The following NOL10 variants were observed in gnomAD, a reference collection of about 807,000 sequenced individuals.
NOL10 encodes nucleolar protein 10, also known as H_NH0074G24.1.
In NOL10, 58 loss-of-function variants were observed where a neutral mutation model predicts 103.5. The ratio of observed to expected loss-of-function variants is 0.56; its 90% CI spans 0.45 to 0.70. The LOEUF (loss-of-function observed/expected upper bound fraction) is 0.70, where lower values mean the gene tolerates loss of function less well. Ranked by LOEUF, NOL10 falls within the 30% of genes least tolerant of loss-of-function variation. The pLI, the probability that NOL10 is intolerant of heterozygous loss-of-function variation, is 0.00. For missense variants in NOL10, 763 were observed against 807.3 expected, an observed-to-expected ratio of 0.95 and a Z score of 0.67; for synonymous variants, 287 against 282.5, an observed-to-expected ratio of 1.02 and a Z score of -0.16.
chr2:10,616,699 C>A (rs558290241), intron 13 of NOL10, among the ~76,000 whole-genome samples: 1 of 152,102 alleles, frequency 6.6e-6, no homozygotes, highest in Non-Finnish European at 1.5e-5. Context: ...CAGGTGTGTG[C>A]CACCATGCCC....
intron 13 of NOL10, among the ~76,000 whole-genome samples, chr2:10,633,827 T>A (rs1678011304): frequency 2.0e-5 from 3 of 150,526 alleles, no homozygotes; most frequent in Non-Finnish European, 3.0e-5. Context: ...ATATATATAT[T>A]TATTATTATT....
chr2:10,638,330 G>GTAACGTA (rs1558311284), intron 13 of NOL10, among the ~76,000 whole-genome samples: 58 of 92,822 alleles, frequency 6.2e-4, no homozygotes, highest in South Asian at 2.0e-3. Flanking sequence ...GACGTGACGT[G>GTAACGTA]ACGTAACGTA....
chr2:10,615,062 G>A (rs1462344001), intron 13 of NOL10, among the ~76,000 whole-genome samples: 1 of 152,240 alleles, frequency 6.6e-6, no homozygotes, highest in African/African-American at 2.4e-5. Flanking sequence ...GTGAGCCAGA[G>A]GGAGTGGCCA....
At position 10,668,665 on chromosome 2, in the gene NOL10, C is replaced by CG; in HGVS notation, c.522_523insC (p.Asp175ArgfsTer6). 1 of 1,520,144 alleles carries CG rather than the reference C, an allele frequency of 6.6e-7. No homozygotes were observed. 94.2% of individuals were successfully genotyped at this position (1,520,144 alleles called of 1,614,324 possible). On this transcript the variant is annotated frameshift_variant, in exon 7 of 21. Coordinates refer to ENST00000381685, the MANE Select transcript of NOL10 (RefSeq NM_024894.4). LOFTEE classifies it high-confidence loss of function. ...ATTACTAAAACTACTCACGCAGCAT[C>CG]AGTTTGTAGAGGATTCAGGTATCGT...
chr2:10,605,842 C>T (rs1308347923), intron 14 of NOL10, among the ~76,000 whole-genome samples: 4 of 152,152 alleles, frequency 2.6e-5, no homozygotes, highest in Admixed American at 1.3e-4. Flanking sequence ...TTGGTAGTAA[C>T]TGACAGAAAG....
intron 17 of NOL10, among the ~76,000 whole-genome samples, chr2:10,592,447 C>T (rs1041437238): frequency 2.0e-5 from 3 of 152,056 alleles, no homozygotes; most frequent in Admixed American, 6.6e-5. Flanking sequence ...AGGATTCAGA[C>T]GGACACCACT....
Position 10,666,305 on chromosome 2 carries a change from G to A in NOL10, c.591+913C>T, listed in dbSNP as rs141884560. 6.1e-3 allele frequency among the ~76,000 whole-genome samples: 931 copies of A among 151,866 alleles called. 4 individuals are homozygous for A. The highest frequency in any genetic ancestry group is 8.1e-3 in the Non-Finnish European group (553 of 67,954). ...CATTAATTCCATCCATATGAAACTGGTTTAATAAATTATAGTACAAACAAC... is the reference window on the plus strand; with the variant it reads ...CATTAATTCCATCCATATGAAACTGATTTAATAAATTATAGTACAAACAAC... On this transcript the variant is annotated intron_variant, in intron 8 of 20. Coordinates refer to ENST00000381685, the MANE Select transcript of NOL10 (RefSeq NM_024894.4).
At position 10,643,712 on chromosome 2, in the gene NOL10, C is replaced by T. The variant is rs372873643; in HGVS notation, c.1026+608G>A. 1.6e-3 allele frequency among the ~76,000 whole-genome samples: 238 copies of T among 152,076 alleles called. 4 individuals carry two copies. The Middle Eastern group carries it at 0.02, about 13-fold the overall frequency. ...AATAGACTTTTCAGAATTAGACCTC[C>T]GGATCACTAACAGCTGAAAGTTTAA... On this transcript the variant is annotated intron_variant, in intron 13 of 20. Coordinates refer to ENST00000381685, the MANE Select transcript of NOL10 (RefSeq NM_024894.4).
At chr2:10,685,864 G>C (rs1682160324) in intron 1 of NOL10, among the ~76,000 whole-genome samples, 1 of 113,968 alleles carries the variant, frequency 8.8e-6, no homozygotes. Flanking sequence ...AGGAGTTCGA[G>C]ACCAGCCTGG....
chr2:10,580,173 T>G (rs1489268615), intron 19 of NOL10, among the ~76,000 whole-genome samples: 1 of 152,242 alleles, frequency 6.6e-6, no homozygotes, highest in Non-Finnish European at 1.5e-5. Flanking sequence ...AGCCTGCTTC[T>G]TGAGTGTGAC....
chr2:10,609,556 C>T (rs192476263), intron 13 of NOL10, among the ~76,000 whole-genome samples: 28 of 151,946 alleles, frequency 1.8e-4, no homozygotes, highest in African/African-American at 6.5e-4. Flanking sequence ...GCCAAGATCA[C>T]GCCACTGCAC....
chr2:10,665,441 A>G (rs1042668376), intron 8 of NOL10, among the ~76,000 whole-genome samples: 2 of 152,266 alleles, frequency 1.3e-5, no homozygotes, highest in Non-Finnish European at 2.9e-5. Context: ...GAACTAAAGA[A>G]GAAACTAAAA....
chr2:10,654,442 T>C lies in NOL10; in HGVS notation c.973+39A>G, dbSNP rs775909990. The C allele has an allele frequency of 2.2e-6, 3 of 1,387,566 alleles. No homozygotes were observed. The East Asian group carries it at 7.2e-5, about 33-fold the overall frequency. 86.0% of individuals were successfully genotyped at this position (1,387,566 alleles called of 1,614,324 possible). On this transcript the variant is annotated intron_variant, in intron 12 of 20. Transcript: ENST00000381685. The stretch of plus-strand genomic sequence containing the variant: ...GAACGTTCACTACAGAATGCATCTT[T>C]TTATTTGTCTCACTGAACGTTCACT...
In NOL10 at chr2:10,586,976, GAA is replaced by G. The variant is rs1675056193; in HGVS notation, c.1844+2065_1844+2066del. Among the ~76,000 whole-genome samples, 3 of 146,396 alleles carry G rather than the reference GAA, an allele frequency of 2.0e-5. No homozygotes were observed. The Admixed American group carries it at 2.1e-4, about 10-fold the overall frequency. On this transcript the variant is annotated intron_variant, in intron 19 of 20. Coordinates refer to ENST00000381685, the MANE Select transcript of NOL10 (RefSeq NM_024894.4). ...TTTAAAAAAAAAATGAAGTTTTCAG[GAA>G]ATCAAAAGTTGTATGTGTTAGGTCT...
intron 17 of NOL10, 110 bp downstream of exon 17, chr2:10,600,743 G>A (rs1333075626): frequency 1.8e-5 from 13 of 724,378 alleles, no homozygotes; most frequent in Admixed American, 2.7e-5. Context: ...CTTATACGCA[G>A]GAAAGAAAAA....
chr2:10,683,384 C>T (rs1006486794), intron 2 of NOL10, among the ~76,000 whole-genome samples: 1 of 152,170 alleles, frequency 6.6e-6, no homozygotes, highest in Non-Finnish European at 1.5e-5. Flanking sequence ...GATTCATAAA[C>T]CCTACATGTA....
At chr2:10,636,244 A>G (rs987667040) in intron 13 of NOL10, among the ~76,000 whole-genome samples, 2 of 152,060 alleles carry the variant, frequency 1.3e-5, no homozygotes, top group African/African-American at 4.8e-5. Flanking sequence ...CCGTTAAACT[A>G]AAACAACATA....
intron 14 of NOL10, among the ~76,000 whole-genome samples, chr2:10,605,259 G>A (rs760456106): frequency 3.3e-5 from 5 of 152,230 alleles, no homozygotes; most frequent in Non-Finnish European, 7.4e-5. Context: ...TCCAAAGAAC[G>A]CACTGTGGGA....
intron 9 of NOL10, among the ~76,000 whole-genome samples, chr2:10,662,169 A>C (rs906857913): frequency 2.0e-5 from 3 of 152,360 alleles, no homozygotes; most frequent in Admixed American, 6.5e-5. Context: ...ATACAATAAC[A>C]GTGCCTACAG....
Sources: allele counts gnomAD v4.1 joint callset (sites outside exome capture counted in the v4.1 genomes callset), GRCh38; gene constraint gnomAD v4.1.1; transcripts MANE v1.5; gene names NCBI Gene and HGNC (gene_info 2026-07-23, HGNC 2026-07-21).